The following MACROD2 variants were observed in gnomAD, a reference collection of about 807,000 sequenced individuals.
MACROD2 encodes mono-ADP ribosylhydrolase 2.
In MACROD2, 36 loss-of-function variants were observed where a neutral mutation model predicts 70.4. That is an observed-to-expected ratio of 0.51 (90% confidence interval 0.39 to 0.68). The LOEUF (loss-of-function observed/expected upper bound fraction) is 0.68. MACROD2 is among the 30% of genes least tolerant of loss of function. The probability of loss-of-function intolerance (pLI) is 0.00; values close to 1 mark genes in which losing one functional copy is unlikely to be tolerated. For synonymous variants in MACROD2, 172 were observed against 178.8 expected (o/e 0.96, Z 0.30); for missense variants, 496 against 538.4 (o/e 0.92, Z 0.78).
intron 5 of MACROD2, among the ~76,000 whole-genome samples, chr20:14,980,221 A>G (rs2074784556): frequency 6.6e-6 from 1 of 152,164 alleles, no homozygotes; most frequent in Non-Finnish European, 1.5e-5. Context: ...CTCATGAATG[A>G]ATCAATCCAT....
At chr20:15,469,580 G>C (rs1289846145) in intron 7 of MACROD2, among the ~76,000 whole-genome samples, 2 of 152,128 alleles carry the variant, frequency 1.3e-5, no homozygotes, top group East Asian at 1.9e-4. Flanking sequence ...AGCAGAGGAG[G>C]GGGAGAGAAA....
At chr20:14,990,202 G>T (rs944898137) in intron 5 of MACROD2, among the ~76,000 whole-genome samples, 3 of 151,972 alleles carry the variant, frequency 2.0e-5, no homozygotes, top group Admixed American at 6.5e-5. Flanking sequence ...TCAACGAATG[G>T]GTTTTGGAAA....
At chr20:14,379,308 T>C (rs977244250) in intron 3 of MACROD2, among the ~76,000 whole-genome samples, 12 of 152,306 alleles carry the variant, frequency 7.9e-5, no homozygotes, top group African/African-American at 2.6e-4. Context: ...ATCTGTGTTA[T>C]CAGGTGGCAG....
At chr20:15,948,382 CAAAAAAAAAAAAAAAAAA>C (rs71192307) in intron 12 of MACROD2, among the ~76,000 whole-genome samples, 8 of 43,152 alleles carry the variant, frequency 1.9e-4, no homozygotes, top group South Asian at 1.1e-3. Flanking sequence ...CTTGCAACTG[CAAAAAAAAAAAAAAAAAA>C]AAAAAAAAAA....
chr20:16,035,217 T>G (rs969374836), intron 15 of MACROD2, among the ~76,000 whole-genome samples: 2 of 117,140 alleles, frequency 1.7e-5, no homozygotes, highest in Non-Finnish European at 3.6e-5. Flanking sequence ...TATTATATAT[T>G]ATATATATAC....
chr20:14,516,575 T>C (rs2085102465), intron 4 of MACROD2, among the ~76,000 whole-genome samples: 1 of 152,208 alleles, frequency 6.6e-6, no homozygotes, highest in South Asian at 2.1e-4. Flanking sequence ...TCCCCAATTC[T>C]TGTTTTTGTC....
chr20:15,622,806 TTGTTA>T (rs1463452962), intron 8 of MACROD2, among the ~76,000 whole-genome samples: 1 of 152,178 alleles, frequency 6.6e-6, no homozygotes, highest in Non-Finnish European at 1.5e-5. Flanking sequence ...TTACGGTGTA[TTGTTA>T]TAATTGTTCT....
intron 7 of MACROD2, among the ~76,000 whole-genome samples, chr20:15,440,473 C>G (rs756135644): frequency 5.3e-5 from 8 of 152,182 alleles, no homozygotes; most frequent in Non-Finnish European, 1.5e-5. Flanking sequence ...CATTTGCATT[C>G]AAGTTTGCTC....
chr20:15,314,841 A>T (rs1393410846), intron 6 of MACROD2, among the ~76,000 whole-genome samples: 1 of 152,232 alleles, frequency 6.6e-6, no homozygotes, highest in African/African-American at 2.4e-5. Context: ...GTGTCTGTAT[A>T]TACTGGAGAG....
chr20:15,702,478 T>C (rs1455783089), intron 8 of MACROD2, among the ~76,000 whole-genome samples: 6 of 152,154 alleles, frequency 3.9e-5, no homozygotes, highest in Non-Finnish European at 8.8e-5. Flanking sequence ...TTGAGAAGAG[T>C]CTGTTCATAT....
At chr20:15,740,287 G>C (rs986962080) in intron 8 of MACROD2, among the ~76,000 whole-genome samples, 2 of 152,202 alleles carry the variant, frequency 1.3e-5, no homozygotes, top group African/African-American at 2.4e-5. Context: ...GTGAGCCCTG[G>C]AGGAAAAGAA....
At chr20:14,592,797 T>A (rs1443084473) in intron 4 of MACROD2, among the ~76,000 whole-genome samples, 1 of 152,230 alleles carries the variant, frequency 6.6e-6, no homozygotes, top group African/African-American at 2.4e-5. Context: ...TATTTCATTT[T>A]ATTTGTATTT....
chr20:15,206,721 G>GTTTTTTTTTGTT (rs2076707346), intron 5 of MACROD2, among the ~76,000 whole-genome samples: 1 of 32,990 alleles, frequency 3.0e-5, no homozygotes, highest in African/African-American at 1.5e-4. Context: ...TATTATCTAT[G>GTTTTTTTTTGTT]TTTTTTTTTT....
intron 3 of MACROD2, among the ~76,000 whole-genome samples, chr20:14,438,375 T>C (rs866950327): frequency 1.1e-4 from 17 of 152,342 alleles, no homozygotes; most frequent in South Asian, 6.2e-4. Flanking sequence ...GCTGTGAACA[T>C]GGAAGTGCCA....
At chr20:14,982,815 G>T (rs967754595) in intron 5 of MACROD2, among the ~76,000 whole-genome samples, 2 of 152,314 alleles carry the variant, frequency 1.3e-5, no homozygotes, top group African/African-American at 4.8e-5. Context: ...GGGCAGTGTG[G>T]GGTGGGAGCC....
chr20:15,159,203 A>G (rs2076330122), intron 5 of MACROD2, among the ~76,000 whole-genome samples: 1 of 152,124 alleles, frequency 6.6e-6, no homozygotes, highest in African/African-American at 2.4e-5. Context: ...TCATAAAACA[A>G]AAAGGGTAAA....
At chr20:14,685,049 G>C in intron 5 of MACROD2, 90 bp downstream of exon 5, 1 of 1,001,158 alleles carries the variant, frequency 1.0e-6, no homozygotes, top group Non-Finnish European at 1.5e-6. Context: ...AATGGCAGTG[G>C]TGGTATTTAA....
intron 6 of MACROD2, among the ~76,000 whole-genome samples, chr20:15,345,694 A>G (rs1453026871): frequency 6.6e-6 from 1 of 152,200 alleles, no homozygotes; most frequent in East Asian, 1.9e-4. Context: ...CTTAACTTTA[A>G]TTAATTGAAA....
At chr20:15,040,698 A>G (rs979782605) in intron 5 of MACROD2, among the ~76,000 whole-genome samples, 1 of 152,188 alleles carries the variant, frequency 6.6e-6, no homozygotes, top group Non-Finnish European at 1.5e-5. Context: ...CCCTATCGGA[A>G]CATTGTTCAG....
Sources: gnomAD v4.1 joint callset for allele counts (sites outside exome capture counted in the v4.1 genomes callset) on GRCh38, gnomAD v4.1.1 for gene constraint, MANE v1.5 for transcripts, NCBI Gene and HGNC (gene_info 2026-07-23, HGNC 2026-07-21) for gene names.